LSAMP: variants seen among roughly 807,000 people sequenced by gnomAD.
LSAMP encodes limbic system-associated membrane protein.
A neutral mutation model predicts 38.6 loss-of-function variants in LSAMP; 7 were observed. That is an observed-to-expected ratio of 0.18 (90% CI 0.10 to 0.34). LSAMP has a LOEUF of 0.34. LSAMP is among the 10% of genes least tolerant of loss of function. LSAMP has a pLI of 1.00. For missense variants in LSAMP, 313 were observed against 420.0 expected (o/e 0.75, Z 2.23); for synonymous variants, 154 against 166.8 (o/e 0.92, Z 0.59).
intron 1 of LSAMP, among the ~76,000 whole-genome samples, chr3:116,103,557 C>CTTTT (rs547545490): frequency 3.4e-4 from 40 of 117,940 alleles, no homozygotes; most frequent in African/African-American, 1.3e-3. Flanking sequence ...CTCATTCCAT[C>CTTTT]TTTTTTTTTT....
At chr3:116,271,927 TA>T (rs937669972) in intron 1 of LSAMP, among the ~76,000 whole-genome samples, 5 of 151,734 alleles carry the variant, frequency 3.3e-5, no homozygotes, top group Non-Finnish European at 5.9e-5. Context: ...TTGAAGTGAA[TA>T]AAAAAATAAT....
chr3:116,261,493 T>C (rs1335991497), intron 1 of LSAMP, among the ~76,000 whole-genome samples: 3 of 152,248 alleles, frequency 2.0e-5, no homozygotes, highest in Non-Finnish European at 4.4e-5. Flanking sequence ...TCTGATGCTC[T>C]CTTCTTCATA....
intron 1 of LSAMP, among the ~76,000 whole-genome samples, chr3:116,372,545 A>G (rs965897543): frequency 6.6e-6 from 1 of 152,050 alleles, no homozygotes; most frequent in African/African-American, 2.4e-5. Context: ...CAACAAAATA[A>G]TAGACAAAAA....
chr3:116,222,861 G>A (rs983976622), intron 1 of LSAMP, among the ~76,000 whole-genome samples: 1 of 147,620 alleles, frequency 6.8e-6, no homozygotes, highest in Admixed American at 6.9e-5. Context: ...TCAGCCTCCC[G>A]AGTAGCTGGG....
chr3:115,927,383 T>C (rs140499612), intron 3 of LSAMP, among the ~76,000 whole-genome samples: 122 of 152,308 alleles, frequency 8.0e-4, no homozygotes, highest in Non-Finnish European at 1.5e-3. Context: ...CAGATGTTCA[T>C]TGAGGGATCT....
At chr3:116,308,985 A>G (rs1270099659) in intron 1 of LSAMP, among the ~76,000 whole-genome samples, 1 of 152,112 alleles carries the variant, frequency 6.6e-6, no homozygotes, top group Non-Finnish European at 1.5e-5. Flanking sequence ...ATTAAGGACA[A>G]CTTTTCAATA....
chr3:115,854,287 T>TA (rs1404953951), intron 3 of LSAMP, among the ~76,000 whole-genome samples: 20 of 103,222 alleles, frequency 1.9e-4, no homozygotes, highest in Non-Finnish European at 4.1e-4. Flanking sequence ...TTATTATTTT[T>TA]TTTTTTTTTT....
rs181100060 is a variant in LSAMP at position 116,243,482 on chromosome 3, A to G, written c.156-156926T>C. ...ATTATTCTATTTTTTTCACTTTTCT[A>G]TGTGTTAGCATTTTATCAATGACTG... is the stretch of plus-strand genomic sequence containing the variant. On this transcript the variant is annotated intron_variant, in intron 1 of 6. Coordinates refer to ENST00000490035, the MANE Select transcript of LSAMP (RefSeq NM_002338.5). Among the ~76,000 whole-genome samples the G allele has an allele frequency of 1.6e-4, 25 of 152,284 alleles. No individual in the cohort carries two copies. In the East Asian group the frequency reaches 2.9e-3, roughly 18 times the overall value.
intron 1 of LSAMP, among the ~76,000 whole-genome samples, chr3:116,312,515 C>T (rs1332145567): frequency 6.6e-6 from 1 of 152,166 alleles, no homozygotes; most frequent in Non-Finnish European, 1.5e-5. Context: ...TCCCCATCTT[C>T]TTTGCATTTT....
intron 1 of LSAMP, among the ~76,000 whole-genome samples, chr3:116,371,638 T>C (rs770510599): frequency 6.6e-6 from 1 of 152,144 alleles, no homozygotes; most frequent in African/African-American, 2.4e-5. Flanking sequence ...GGCAAGGGTG[T>C]GTGCTTTCAT....
intron 3 of LSAMP, among the ~76,000 whole-genome samples, chr3:115,903,766 G>A (rs536980667): frequency 5.9e-5 from 9 of 152,230 alleles, no homozygotes; most frequent in African/African-American, 1.9e-4. Context: ...GTTTTAATAG[G>A]TTAGGCAATA....
intron 3 of LSAMP, among the ~76,000 whole-genome samples, chr3:115,892,529 G>T (rs1936625798): frequency 6.6e-6 from 1 of 152,038 alleles, no homozygotes; most frequent in Admixed American, 6.6e-5. Context: ...AAGTACAAAA[G>T]CAGGTAAACA....
In LSAMP at chr3:116,021,327, T is replaced by C. The variant is rs562443612; in HGVS notation, c.389-1687A>G. 5.9e-5 allele frequency among the ~76,000 whole-genome samples: 9 copies of C among 152,206 alleles called. No homozygotes were observed. The South Asian group carries it at 1.9e-3, about 32-fold the overall frequency. On this transcript the variant is annotated intron_variant, in intron 2 of 6. Transcript: ENST00000490035. ...ATCATATACATTTTACAGGGAAGAA[T>C]ATCAGACACAGAGAAAAATGATGGC...
chr3:116,326,562 A>C (rs543638149), intron 1 of LSAMP, among the ~76,000 whole-genome samples: 4 of 152,250 alleles, frequency 2.6e-5, no homozygotes, highest in Admixed American at 2.0e-4. Context: ...CAACCTGAAG[A>C]AGCAGCAGCA....
At chr3:115,943,947 C>A (rs1473607554) in intron 3 of LSAMP, among the ~76,000 whole-genome samples, 1 of 152,160 alleles carries the variant, frequency 6.6e-6, no homozygotes, top group African/African-American at 2.4e-5. Flanking sequence ...AGAAACAAGT[C>A]CCCAGAAGCT....
chr3:116,139,282 C>A (rs989116579), intron 1 of LSAMP, among the ~76,000 whole-genome samples: 2 of 151,956 alleles, frequency 1.3e-5, no homozygotes, highest in African/African-American at 4.8e-5. Context: ...AAGGATGACT[C>A]TTTGCCTTTA....
chr3:116,148,419 G>T (rs1709535661), intron 1 of LSAMP, among the ~76,000 whole-genome samples: 1 of 151,884 alleles, frequency 6.6e-6, no homozygotes, highest in African/African-American at 2.4e-5. Context: ...CAAGAAATTT[G>T]TCTTTGTTTT....
At chr3:116,085,072 A>C (rs578076900) in intron 2 of LSAMP, among the ~76,000 whole-genome samples, 1 of 152,324 alleles carries the variant, frequency 6.6e-6, no homozygotes, top group African/African-American at 2.4e-5. Context: ...AAATTTAAAT[A>C]GGTTGCCTAA....
chr3:115,959,912 GC>G (rs1200248953), intron 3 of LSAMP, among the ~76,000 whole-genome samples: 1 of 152,062 alleles, frequency 6.6e-6, no homozygotes, highest in Non-Finnish European at 1.5e-5. Flanking sequence ...TGAATGGCAG[GC>G]CCCCCAACTC....
Sources: gnomAD v4.1 joint callset for allele counts (sites outside exome capture counted in the v4.1 genomes callset) on GRCh38, gnomAD v4.1.1 for gene constraint, MANE v1.5 for transcripts, NCBI Gene and HGNC (gene_info 2026-07-23, HGNC 2026-07-21) for gene names.